Variants in CACNA1C observed in about 807,000 individuals in gnomAD.
CACNA1C encodes calcium voltage-gated channel subunit alpha1 C.
Under a neutral mutation model 229.0 loss-of-function variants are expected in CACNA1C, and 30 were observed. That is an observed-to-expected ratio of 0.13 (90% CI 0.10 to 0.18). The LOEUF is 0.18. Ranked by LOEUF, CACNA1C falls within the 10% of genes least tolerant of loss-of-function variation. The probability of loss-of-function intolerance (pLI) is 1.00; values close to 1 mark genes in which losing one functional copy is unlikely to be tolerated. For synonymous variants in CACNA1C, 1,114 were observed against 1,132.5 expected, an observed-to-expected ratio of 0.98 and a Z score of 0.33; for missense variants, 1,658 against 2,845.0, an observed-to-expected ratio of 0.58 and a Z score of 9.49.
intron 7 of CACNA1C, among the ~76,000 whole-genome samples, chr12:2,496,766 C>G (rs1385641000): frequency 6.6e-6 from 1 of 152,200 alleles, no homozygotes; most frequent in Non-Finnish European, 1.5e-5. Context: ...ACCTAATATC[C>G]TGTTTGAGGA....
chr12:2,537,967 C>T (rs926367017), intron 9 of CACNA1C, among the ~76,000 whole-genome samples: 1 of 152,236 alleles, frequency 6.6e-6, no homozygotes, highest in East Asian at 1.9e-4. Context: ...CCCCTGCCCC[C>T]TCCCGGCCCC....
chr12:2,343,327 G>T (rs889685467), intron 3 of CACNA1C, among the ~76,000 whole-genome samples: 1 of 152,184 alleles, frequency 6.6e-6, no homozygotes, highest in South Asian at 2.1e-4. Flanking sequence ...CTATTTGGCT[G>T]TTCACAACCT....
rs115086267 is a variant in CACNA1C at position 2,126,299 on chromosome 12, G to C, written c.477+5869G>C. 8.9e-3 allele frequency among the ~76,000 whole-genome samples: 1,350 copies of C among 152,264 alleles called. 18 individuals carry two copies. The highest frequency in any genetic ancestry group is 0.03 in the African/African-American group (1,249 of 41,548). The stretch of plus-strand genomic sequence containing the variant: ...CATGACAATTCTTTCTTTAGATTTA[G>C]TGCTGTTATTGGCAATGCCACCTCT... On this transcript the variant is annotated intron_variant, in intron 3 of 46. Transcript: ENST00000399655.
chr12:2,350,531 G>A (rs1228912681), intron 3 of CACNA1C, among the ~76,000 whole-genome samples: 2 of 152,160 alleles, frequency 1.3e-5, no homozygotes, highest in African/African-American at 4.8e-5. Flanking sequence ...AGATCAAGGG[G>A]GCAATGGGGC....
chr12:2,230,149 C>T lies in CACNA1C; in HGVS notation c.477+109719C>T, dbSNP rs76800903. On this transcript the variant is annotated intron_variant, in intron 3 of 46. Transcript: ENST00000399655. ...GCTGACTGTGCTCAGGATGTCCCCT[C>T]CCGGGGCTGCGACCTGGAGCCGCGG... 1.1e-3 allele frequency among the ~76,000 whole-genome samples: 173 copies of T among 152,260 alleles called. 1 individual carries two copies. The highest frequency in any genetic ancestry group is 3.8e-3 in the African/African-American group (158 of 41,560).
chr12:2,008,106 C>CTTAT (rs60812704), intron 1 of CACNA1C, among the ~76,000 whole-genome samples: 3,914 of 151,908 alleles, frequency 0.026, 85 homozygotes, highest in African/African-American at 0.06. Context: ...TAAAGTTTTA[C>CTTAT]TTATTTATTT....
chr12:2,598,508 C>A (rs2069895145), intron 21 of CACNA1C, among the ~76,000 whole-genome samples: 4 of 152,180 alleles, frequency 2.6e-5, no homozygotes, highest in Admixed American at 2.6e-4. Flanking sequence ...ACCCTTTCCC[C>A]AAACAGAAGG....
Position 2,595,961 on chromosome 12 carries a change from G to T in CACNA1C, c.2751G>T (p.Leu917=), listed in dbSNP as rs771224442. The T allele has an allele frequency of 1.9e-6, 3 of 1,613,192 alleles. No individual in the cohort carries two copies. In the African/African-American group the frequency reaches 4.0e-5, roughly 22 times the overall value. Residue 917 remains leucine (L), a synonymous_variant, in exon 20 of 47, where the codon CTG becomes CTT. Transcript: ENST00000399655. The surrounding 1 kb of genome is among the most constrained non-coding windows in gnomAD (Gnocchi z 4.1). ...LFFILLSSIS[L]AAEDPVQHTS... ...TCATTCTGCTCAGCAGCATTTCCCTGGCTGCTGAGGACCCGGTCCAGCACA... is the reference window on the plus strand; with the variant it reads ...TCATTCTGCTCAGCAGCATTTCCCTTGCTGCTGAGGACCCGGTCCAGCACA...
intron 18 of CACNA1C, among the ~76,000 whole-genome samples, chr12:2,590,346 C>T (rs532766114): frequency 3.9e-5 from 6 of 152,252 alleles, no homozygotes; most frequent in Admixed American, 1.3e-4. Flanking sequence ...ACCTCACTTC[C>T]GATGCTTTTT....
chr12:2,688,566 C>G lies in CACNA1C; in HGVS notation c.5904C>G (p.Pro1968=). 1 of 1,614,004 alleles carries G rather than the reference C, an allele frequency of 6.2e-7. No homozygotes were observed. The highest frequency in any genetic ancestry group is 8.5e-7 in the Non-Finnish European group (1 of 1,179,890). Residue 1968 remains proline (P), a synonymous_variant, in exon 46 of 47, where the codon CCC becomes CCG. Coordinates refer to ENST00000399655, the MANE Select transcript of CACNA1C (RefSeq NM_000719.7). ...TPGSRGWPPQ[P]VPTLRLEGVE... is the part of the protein sequence containing the mutation. ...GCAGCCGAGGCTGGCCCCCACAGCC[C>G]GTCCCCACCCTGCGGCTTGAGGGGG...
At chr12:2,584,899 G>A (rs2061838321) in intron 16 of CACNA1C, among the ~76,000 whole-genome samples, 1 of 152,144 alleles carries the variant, frequency 6.6e-6, no homozygotes, top group Admixed American at 6.5e-5. Flanking sequence ...AGTGTAGGGT[G>A]GGGAGAGAGA....
intron 3 of CACNA1C, among the ~76,000 whole-genome samples, chr12:2,129,412 G>A (rs557471071): frequency 3.9e-5 from 6 of 152,298 alleles, no homozygotes; most frequent in South Asian, 2.1e-4. Flanking sequence ...GTTTGCCAGC[G>A]GATGGGAAAA....
intron 29 of CACNA1C, among the ~76,000 whole-genome samples, chr12:2,616,883 T>A (rs764497111): frequency 1.9e-4 from 29 of 152,230 alleles, no homozygotes; most frequent in Non-Finnish European, 3.5e-4. Flanking sequence ...GCCCTTGCCC[T>A]GCACGCTGGT....
intron 3 of CACNA1C, among the ~76,000 whole-genome samples, chr12:2,438,301 G>GGTGGTGGTGGTGGTGGTT (rs2099169931): frequency 1.4e-5 from 2 of 147,804 alleles, no homozygotes; most frequent in Admixed American, 6.7e-5. Context: ...TGGTGGTGGT[G>GGTGGTGGTGGTGGTGGTT]GTGGTGGTGG....
At chr12:2,042,560 C>T (rs577862781) in intron 1 of CACNA1C, among the ~76,000 whole-genome samples, 1 of 152,312 alleles carries the variant, frequency 6.6e-6, no homozygotes, top group African/African-American at 2.4e-5. Context: ...CTTGTCTGGG[C>T]ACCAGTATTT....
chr12:2,069,817 C>A (rs1003679309), intron 1 of CACNA1C, among the ~76,000 whole-genome samples: 7 of 152,006 alleles, frequency 4.6e-5, no homozygotes, highest in African/African-American at 1.7e-4. Flanking sequence ...CTTAAAGAGT[C>A]TTTTCTTTTC....
rs547621874 is a variant in CACNA1C at position 2,312,812 on chromosome 12, G to A, written c.478-136164G>A. Among the ~76,000 whole-genome samples the A allele has an allele frequency of 2.0e-5, 3 of 151,930 alleles. No homozygotes were observed. The East Asian group carries it at 5.8e-4, about 29-fold the overall frequency. ...AGCTTGTGATCATCTGAAGCCTCAGGGATTTTTTTTTTACATGAATGACTG... is the reference window on the plus strand; with the variant it reads ...AGCTTGTGATCATCTGAAGCCTCAGAGATTTTTTTTTTACATGAATGACTG... On this transcript the variant is annotated intron_variant, in intron 3 of 46. Coordinates refer to ENST00000399655, the MANE Select transcript of CACNA1C (RefSeq NM_000719.7).
At chr12:2,138,699 C>G (rs1020924971) in intron 3 of CACNA1C, among the ~76,000 whole-genome samples, 1 of 151,136 alleles carries the variant, frequency 6.6e-6, no homozygotes, top group African/African-American at 2.4e-5. Context: ...TCCCCTTCCC[C>G]TTCTGCCATG....
intron 15 of CACNA1C, among the ~76,000 whole-genome samples, chr12:2,584,017 C>A (rs543171731): frequency 2.0e-4 from 31 of 152,284 alleles, no homozygotes; most frequent in African/African-American, 7.2e-4. Flanking sequence ...AACTCCCAAG[C>A]CTTGGCTGGC....
Sources: gnomAD v4.1 joint callset for allele counts (sites outside exome capture counted in the v4.1 genomes callset) on GRCh38, gnomAD v4.1.1 for gene constraint, Gnocchi (gnomAD v3.1) non-coding constraint, MANE v1.5 for transcripts, NCBI Gene and HGNC (gene_info 2026-07-23, HGNC 2026-07-21) for gene names.